Variants in EXT1 observed in about 807,000 individuals in gnomAD.
EXT1 encodes exostosin-1.
In EXT1, 20 loss-of-function variants were observed where a neutral mutation model predicts 82.5. That is an observed-to-expected ratio of 0.24 (90% confidence interval 0.17 to 0.35). The LOEUF is 0.35. Ranked by LOEUF, EXT1 falls within the 10% of genes least tolerant of loss-of-function variation. EXT1 has a pLI of 1.00. For missense variants in EXT1, 757 were observed against 936.5 expected (o/e 0.81, Z 2.50); for synonymous variants, 348 against 350.8 (o/e 0.99, Z 0.09).
intron 1 of EXT1, among the ~76,000 whole-genome samples, chr8:117,968,196 C>T (rs1040087958): frequency 3.9e-5 from 6 of 152,222 alleles, no homozygotes; most frequent in African/African-American, 1.2e-4. Flanking sequence ...GCCTCCATCT[C>T]GGGGGCCCAA....
chr8:118,080,947 T>G (rs755271325), intron 1 of EXT1, among the ~76,000 whole-genome samples: 1 of 152,198 alleles, frequency 6.6e-6, no homozygotes, highest in Non-Finnish European at 1.5e-5. Context: ...ATAAGACCAT[T>G]AACTCTTTTG....
chr8:117,964,881 G>A (rs1814777103), intron 1 of EXT1, among the ~76,000 whole-genome samples: 1 of 152,066 alleles, frequency 6.6e-6, no homozygotes, highest in Non-Finnish European at 1.5e-5. Context: ...CGGGTGATCT[G>A]CCCGCCTTGG....
chr8:118,066,024 C>T (rs1457435063), intron 1 of EXT1, among the ~76,000 whole-genome samples: 1 of 152,162 alleles, frequency 6.6e-6, no homozygotes, highest in African/African-American at 2.4e-5. Context: ...CCAGTACTAT[C>T]TTAAAAGTTC....
intron 1 of EXT1, among the ~76,000 whole-genome samples, chr8:117,984,871 C>G (rs1379968702): frequency 6.6e-6 from 1 of 152,114 alleles, no homozygotes; most frequent in African/African-American, 2.4e-5. Flanking sequence ...GTTTCCACCA[C>G]CTCAAAAATG....
At chr8:118,009,985 G>C (rs1815862019) in intron 1 of EXT1, among the ~76,000 whole-genome samples, 1 of 152,144 alleles carries the variant, frequency 6.6e-6, no homozygotes, top group Non-Finnish European at 1.5e-5. Flanking sequence ...AGAGCTAACA[G>C]GTAGGCTAAA....
At chr8:117,861,529 C>CAAATACCTT (rs1812686750) in intron 1 of EXT1, among the ~76,000 whole-genome samples, 171 of 86,068 alleles carry the variant, frequency 2.0e-3, no homozygotes, top group Admixed American at 3.0e-3. Context: ...GAGTCTTGCT[C>CAAATACCTT]TGTCACCCAG....
Position 117,963,014 on chromosome 8 carries a change from CA to C in EXT1, c.963-125814del, listed in dbSNP as rs1332718238. Among the ~76,000 whole-genome samples, 4 of 152,274 alleles carry C rather than the reference CA, an allele frequency of 2.6e-5. No homozygotes were observed. The East Asian group carries it at 7.7e-4, about 29-fold the overall frequency. On this transcript the variant is annotated intron_variant, in intron 1 of 10. Coordinates refer to ENST00000378204, the MANE Select transcript of EXT1 (RefSeq NM_000127.3). ...TTCCAAGGTAGGAAACTGGACATGA[CA>C]AATCTGGAGAGTCTTTCCTTATCTA...
intron 1 of EXT1, among the ~76,000 whole-genome samples, chr8:118,073,737 T>C (rs1408343201): frequency 2.7e-5 from 4 of 150,240 alleles, no homozygotes; most frequent in South Asian, 2.1e-4. Context: ...CACAAATAAT[T>C]CCTTATGCAG....
chr8:117,990,064 T>G (rs1815401978), intron 1 of EXT1, among the ~76,000 whole-genome samples: 1 of 152,006 alleles, frequency 6.6e-6, no homozygotes, highest in Non-Finnish European at 1.5e-5. Context: ...TCCCAGCTAC[T>G]CGGGAGGCTG....
chr8:117,860,586 C>T (rs191950268), intron 1 of EXT1, among the ~76,000 whole-genome samples: 16 of 152,272 alleles, frequency 1.1e-4, no homozygotes, highest in Non-Finnish European at 1.6e-4. Context: ...GGACTATCTG[C>T]GGTTGCAAAT....
chr8:118,078,149 T>A (rs1012448476), intron 1 of EXT1, among the ~76,000 whole-genome samples: 4 of 152,178 alleles, frequency 2.6e-5, no homozygotes, highest in Admixed American at 2.6e-4. Flanking sequence ...TCACTATGTA[T>A]CTGTTGAAGA....
chr8:117,963,593 C>T (rs977335665), intron 1 of EXT1, among the ~76,000 whole-genome samples: 4 of 152,094 alleles, frequency 2.6e-5, no homozygotes, highest in Admixed American at 6.5e-5. Context: ...CGGGTTCAAG[C>T]GATTCTCTTG....
At chr8:118,082,711 C>T (rs1817353348) in intron 1 of EXT1, among the ~76,000 whole-genome samples, 1 of 152,146 alleles carries the variant, frequency 6.6e-6, no homozygotes, top group Non-Finnish European at 1.5e-5. Context: ...AAACACCAGG[C>T]CAAGCTAACT....
chr8:117,804,290 C>G (rs1045146375), intron 10 of EXT1, among the ~76,000 whole-genome samples: 1 of 152,174 alleles, frequency 6.6e-6, no homozygotes, highest in African/African-American at 2.4e-5. Context: ...ACACAATGAG[C>G]AGAGGGCTAT....
At chr8:118,071,714 T>C (rs1422903462) in intron 1 of EXT1, among the ~76,000 whole-genome samples, 5 of 152,186 alleles carry the variant, frequency 3.3e-5, no homozygotes, top group Non-Finnish European at 7.4e-5. Context: ...AAACGAATGC[T>C]GCACTTGGTA....
At chr8:117,875,345 C>T (rs943856538) in intron 1 of EXT1, among the ~76,000 whole-genome samples, 3 of 151,876 alleles carry the variant, frequency 2.0e-5, no homozygotes, top group African/African-American at 4.8e-5. Context: ...CGCTTGAACC[C>T]GGGAGGTGGA....
chr8:118,050,552 A>C (rs973122801), intron 1 of EXT1, among the ~76,000 whole-genome samples: 3 of 152,194 alleles, frequency 2.0e-5, no homozygotes, highest in Non-Finnish European at 4.4e-5. Flanking sequence ...TTTGGGCTTT[A>C]CAAGCCATAT....
At chr8:117,860,146 CAAAAA>C (rs34399339) in intron 1 of EXT1, among the ~76,000 whole-genome samples, 5 of 76,902 alleles carry the variant, frequency 6.5e-5, no homozygotes, top group Admixed American at 1.8e-4. Context: ...GATTCTATCT[CAAAAA>C]AAAAAAAAAA....
intron 6 of EXT1, among the ~76,000 whole-genome samples, 153 bp downstream of exon 6, chr8:117,819,523 A>C (rs1198954864): frequency 6.6e-6 from 1 of 152,224 alleles, no homozygotes. Context: ...AAAAGGGTGT[A>C]ACGAGGCAGG....
Sources: allele counts gnomAD v4.1 joint callset (sites outside exome capture counted in the v4.1 genomes callset), GRCh38; gene constraint gnomAD v4.1.1; transcripts MANE v1.5; gene names NCBI Gene and HGNC (gene_info 2026-07-23, HGNC 2026-07-21).